The following AGO3 variants were observed in gnomAD, a reference collection of about 807,000 sequenced individuals.
AGO3 encodes protein argonaute-3.
AGO3 carries 16 observed loss-of-function variants against 105.5 expected under a neutral mutation model. The ratio of observed to expected loss-of-function variants is 0.15; its 90% CI spans 0.10 to 0.23. The LOEUF is 0.23. AGO3 is among the 10% of genes least tolerant of loss of function. The pLI is 1.00. For synonymous variants in AGO3, 340 were observed against 367.3 expected (o/e 0.93, Z 0.85); for missense variants, 534 against 1,088.0 (o/e 0.49, Z 7.16).
intron 11 of AGO3, among the ~76,000 whole-genome samples, chr1:36,021,607 C>T (rs1641228461): frequency 6.6e-6 from 1 of 152,102 alleles, no homozygotes; most frequent in Non-Finnish European, 1.5e-5. Context: ...ACCTCTGTAA[C>T]ATCCCAAAGT....
intron 2 of AGO3, among the ~76,000 whole-genome samples, chr1:35,954,167 TAATA>T (rs1196325404): frequency 6.6e-6 from 1 of 152,216 alleles, no homozygotes; most frequent in Non-Finnish European, 1.5e-5. Context: ...ATATGTCAGC[TAATA>T]AATAAGTTTT....
chr1:35,962,630 A>T (rs1469068163), intron 2 of AGO3, among the ~76,000 whole-genome samples: 1 of 152,054 alleles, frequency 6.6e-6, no homozygotes, highest in Non-Finnish European at 1.5e-5. Flanking sequence ...TAGAGAACTC[A>T]GATTGATTTA....
intron 2 of AGO3, among the ~76,000 whole-genome samples, chr1:35,961,242 C>T (rs1056270887): frequency 6.6e-6 from 1 of 152,014 alleles, no homozygotes; most frequent in Non-Finnish European, 1.5e-5. Context: ...TGAGCCACTG[C>T]GCCTGGCCAT....
rs748756916 is a variant in AGO3, at chr1:35,931,398, C to T, written c.-29C>T. On this transcript the variant is annotated 5_prime_UTR_variant, in exon 1 of 19. Transcript: ENST00000373191. The stretch of plus-strand genomic sequence containing the variant: ...TGCCGCCAGTGGCGGGCTCCGTTCT[C>T]CCTCGAAGCACTCCCCCCAGCTCCA... The T allele has an allele frequency of 1.4e-5, 21 of 1,452,926 alleles. No individual in the cohort carries two copies. The highest frequency in any genetic ancestry group is 1.7e-5 in the Non-Finnish European group (19 of 1,099,214). 90.0% of individuals were successfully genotyped at this position (1,452,926 alleles called of 1,614,324 possible).
At position 35,973,459 on chromosome 1, in the gene AGO3, A is replaced by C. The variant is rs1471667351; in HGVS notation, c.606A>C (p.Gly202=). 1 of 1,595,664 alleles carries C rather than the reference A, an allele frequency of 6.3e-7. No individual in the cohort carries two copies. Among genetic ancestry groups the C allele is most frequent in the Non-Finnish European group, 8.6e-7 (1 of 1,168,568 alleles). Residue 202 remains glycine, a synonymous_variant, in exon 5 of 19, where the codon GGA becomes GGC. Transcript: ENST00000373191. ...PLGGGREVWF[G]FHQSVRPAMW... is the part of the protein sequence containing the mutation. The stretch of plus-strand genomic sequence containing the variant: ...GAGGGGGCAGGGAAGTGTGGTTTGG[A>C]TTCCATCAGTCTGTTCGGCCTGCCA...
At chr1:36,018,632 C>T (rs1187766555) in intron 11 of AGO3, among the ~76,000 whole-genome samples, 3 of 151,986 alleles carry the variant, frequency 2.0e-5, no homozygotes, top group Non-Finnish European at 4.4e-5. Context: ...GGGGTTTCAC[C>T]ATGTTGGCCA....
At chr1:35,955,378 A>G (rs1049725084) in intron 2 of AGO3, among the ~76,000 whole-genome samples, 1 of 152,228 alleles carries the variant, frequency 6.6e-6, no homozygotes, top group African/African-American at 2.4e-5. Flanking sequence ...TTCAAAAACT[A>G]TAATTTGTTG....
At chr1:36,043,758 A>G (rs1265824057) in intron 17 of AGO3, among the ~76,000 whole-genome samples, 1 of 152,182 alleles carries the variant, frequency 6.6e-6, no homozygotes, top group African/African-American at 2.4e-5. Context: ...ATACCAGAAT[A>G]TAAGTAGTTT....
chr1:36,052,724 T>C (rs1370598787), intron 17 of AGO3, among the ~76,000 whole-genome samples: 1 of 152,120 alleles, frequency 6.6e-6, no homozygotes. Context: ...CTTCTAGGGA[T>C]TAAAACCTAT....
chr1:36,008,754 A>C lies in AGO3; in HGVS notation c.858A>C (p.Thr286=). 1 of 1,614,148 alleles carries C rather than the reference A, an allele frequency of 6.2e-7. No individual in the cohort carries two copies. Among genetic ancestry groups the C allele is most frequent in the Non-Finnish European group, 8.5e-7 (1 of 1,180,018 alleles). ...MRRKYRVCNV[T]RRPASHQTFP... ...GGAAATACCGTGTTTGTAATGTAAC[A>C]AGGAGGCCTGCCAGTCATCAAACGT... is the stretch of plus-strand genomic sequence containing the variant. The change falls in exon 7 of 19, where the codon ACA becomes ACC. Residue 286 remains threonine (T), a synonymous_variant. Coordinates refer to ENST00000373191, the MANE Select transcript of AGO3 (RefSeq NM_024852.4). The surrounding 1 kb of genome is among the most constrained non-coding windows in gnomAD (Gnocchi z 5.1).
rs1232520184 is a variant in AGO3, at chr1:36,070,236, A to T, written c.*14491A>T. The T allele has an allele frequency of 1.3e-5, 2 of 152,216 alleles. No homozygotes were observed. The highest frequency in any genetic ancestry group is 2.9e-5 in the Non-Finnish European group (2 of 68,046). The allele number at this position is 152,216 out of a possible 1,614,324, so 9.4% of individuals were successfully genotyped here. A position where few individuals can be genotyped will look rare whatever the true frequency, so the allele number is the denominator to read the frequency against. On this transcript the variant is annotated 3_prime_UTR_variant, in exon 19 of 19. Coordinates refer to ENST00000373191, the MANE Select transcript of AGO3 (RefSeq NM_024852.4). ...GAAGAAGAGGGTTAGATTTTAAGAA[A>T]GAAAGTGTGCTTATTTCACTCATGT...
chr1:35,931,387 G>A lies in AGO3; in HGVS notation c.-40G>A, dbSNP rs1362784332. 7.1e-7 allele frequency: 1 copy of A among 1,401,736 alleles called. No individual in the cohort carries two copies. The highest frequency in any genetic ancestry group is 2.9e-5 in the East Asian group (1 of 34,236). The allele number at this position is 1,401,736 out of a possible 1,614,324, so 86.8% of individuals were successfully genotyped here. On this transcript the variant is annotated 5_prime_UTR_variant, in exon 1 of 19. Transcript: ENST00000373191. The stretch of plus-strand genomic sequence containing the variant: ...GGCCGCCTCCTTGCCGCCAGTGGCG[G>A]GCTCCGTTCTCCCTCGAAGCACTCC...
chr1:36,055,345 T>A lies in AGO3; in HGVS notation c.2474+200T>A, dbSNP rs541712139. 4.5e-4 allele frequency: 283 copies of A among 628,202 alleles called. 3 individuals carry two copies. Among genetic ancestry groups the A allele is most frequent in the South Asian group, 3.6e-3 (184 of 50,544 alleles). 38.9% of individuals were successfully genotyped at this position (628,202 alleles called of 1,614,324 possible). A position where few individuals can be genotyped will look rare whatever the true frequency, so the allele number is the denominator to read the frequency against. ...TCATGTAGTAACTTAGTTGTTTTAC[T>A]ACATTAATTCAAAGGAGAGATTATT... On this transcript the variant is annotated intron_variant, in intron 18 of 18. Coordinates refer to ENST00000373191, the MANE Select transcript of AGO3 (RefSeq NM_024852.4). The surrounding 1 kb of genome is among the most constrained non-coding windows in gnomAD (Gnocchi z 4.4).
At chr1:36,031,398 CT>C (rs1370419884) in intron 12 of AGO3, among the ~76,000 whole-genome samples, 2 of 152,004 alleles carry the variant, frequency 1.3e-5, no homozygotes, top group African/African-American at 4.8e-5. Context: ...CTGGAAAATT[CT>C]TTTAATATTT....
intron 2 of AGO3, among the ~76,000 whole-genome samples, chr1:35,954,718 C>T (rs1646533582): frequency 6.6e-6 from 1 of 152,106 alleles, no homozygotes; most frequent in African/African-American, 2.4e-5. Context: ...TTTTAAATTC[C>T]ATATGGAGTG....
intron 11 of AGO3, among the ~76,000 whole-genome samples, chr1:36,019,837 C>T (rs1413338057): frequency 2.6e-5 from 4 of 152,234 alleles, no homozygotes; most frequent in African/African-American, 4.8e-5. Flanking sequence ...GGTGCGATCT[C>T]GGCTCACTGC....
chr1:36,044,899 A>G (rs1642400433), intron 17 of AGO3, among the ~76,000 whole-genome samples: 1 of 152,250 alleles, frequency 6.6e-6, no homozygotes, highest in African/African-American at 2.4e-5. Flanking sequence ...AGGATGTCTG[A>G]GAGTCTATAA....
In AGO3 at chr1:35,945,802, A is replaced by G. The variant is rs1305272752; in HGVS notation, c.130A>G (p.Ile44Val). The G allele has an allele frequency of 6.2e-7, 1 of 1,613,818 alleles. No homozygotes were observed. Among genetic ancestry groups the G allele is most frequent in the Non-Finnish European group, 8.5e-7 (1 of 1,179,970 alleles). The change falls in exon 2 of 19, where the codon ATT becomes GTT. Residue 44 changes from isoleucine (I) to valine (V), a missense_variant. Around this residue, in one of 2 missense-constraint regions of AGO3, gnomAD observed 161 missense variants for 234.0 expected, o/e 0.69. Transcript: ENST00000373191. ...CTGTTTTCAAGTTGAAATCCCAAAG[A>G]TTGATGTCTACCTCTATGAGGTAGA... ...ANCFQVEIPK[I>V]DVYLYEVDIK...
chr1:35,996,731 G>A (rs1026045273), intron 5 of AGO3, among the ~76,000 whole-genome samples: 7 of 149,210 alleles, frequency 4.7e-5, no homozygotes, highest in African/African-American at 1.2e-4. Flanking sequence ...AGATTGCACC[G>A]TTGCACTCCA....
Sources: allele counts gnomAD v4.1 joint callset (sites outside exome capture counted in the v4.1 genomes callset), GRCh38; gene constraint gnomAD v4.1.1; regional missense constraint gnomAD v4.1.1; non-coding constraint Gnocchi (gnomAD v3.1); transcripts MANE v1.5; gene names NCBI Gene and HGNC (gene_info 2026-07-23, HGNC 2026-07-21).